AGBL1: variants seen among roughly 807,000 people sequenced by gnomAD.
AGBL1 encodes the protein AGBL carboxypeptidase 1.
Under a neutral mutation model 118.9 loss-of-function variants are expected in AGBL1, and 130 were observed. The observed-to-expected ratio is 1.09, with a 90% CI of 0.95 to 1.26. AGBL1 has a LOEUF of 1.26. Among genes scored for constraint, AGBL1 ranks in the 50% most tolerant of loss-of-function variants. The probability of loss-of-function intolerance (pLI) is 0.00; values close to 1 mark genes in which losing one functional copy is unlikely to be tolerated. For synonymous variants in AGBL1, 555 were observed against 478.9 expected (o/e 1.16, Z -2.08); for missense variants, 1,584 against 1,298.1 (o/e 1.22, Z -3.38).
chr15:86,257,650 A>G (rs1310076334), intron 8 of AGBL1, among the ~76,000 whole-genome samples: 2 of 152,228 alleles, frequency 1.3e-5, no homozygotes, highest in African/African-American at 4.8e-5. Flanking sequence ...CTTTGGCTAC[A>G]CTAGTTGCAT....
intron 17 of AGBL1, among the ~76,000 whole-genome samples, chr15:86,388,449 T>A (rs1033468283): frequency 2.0e-5 from 3 of 152,192 alleles, no homozygotes; most frequent in African/African-American, 7.2e-5. Flanking sequence ...CTACCCTGTT[T>A]CACATTGCCA....
At chr15:86,506,504 G>A (rs1032853314) in intron 18 of AGBL1, among the ~76,000 whole-genome samples, 3 of 152,040 alleles carry the variant, frequency 2.0e-5, no homozygotes, top group African/African-American at 7.2e-5. Context: ...AAGGACCAGT[G>A]CTGCTGATTC....
At chr15:86,439,064 C>T (rs2082031688) in intron 18 of AGBL1, among the ~76,000 whole-genome samples, 1 of 152,184 alleles carries the variant, frequency 6.6e-6, no homozygotes. Flanking sequence ...CAAACTCAAC[C>T]AGGTAGGGAA....
intron 23 of AGBL1, among the ~76,000 whole-genome samples, chr15:86,955,434 T>C (rs1319078607): frequency 5.9e-5 from 9 of 151,720 alleles, no homozygotes; most frequent in Non-Finnish European, 1.3e-4. Flanking sequence ...AGCCAAGAAT[T>C]CAACTCAAGA....
intron 22 of AGBL1, among the ~76,000 whole-genome samples, chr15:86,680,275 G>C (rs554315073): frequency 1.1e-3 from 171 of 151,984 alleles, no homozygotes; most frequent in Non-Finnish European, 2.0e-3. Flanking sequence ...TCTCAATGTT[G>C]ATTCATCTTA....
At chr15:86,344,872 G>A (rs1253667404) in intron 17 of AGBL1, among the ~76,000 whole-genome samples, 2 of 151,938 alleles carry the variant, frequency 1.3e-5, no homozygotes, top group Non-Finnish European at 2.9e-5. Flanking sequence ...AAACATGGAC[G>A]GGAACTTGAT....
chr15:86,186,107 T>C (rs2077628689), intron 5 of AGBL1, among the ~76,000 whole-genome samples: 2 of 152,210 alleles, frequency 1.3e-5, no homozygotes, highest in Admixed American at 6.5e-5. Context: ...GTGTATTTGC[T>C]GTCCCCCAAA....
At chr15:86,089,799 C>T (rs545777827) in intron 1 of AGBL1, among the ~76,000 whole-genome samples, 1 of 152,218 alleles carries the variant, frequency 6.6e-6, no homozygotes, top group East Asian at 1.9e-4. Context: ...ATGCAGATAC[C>T]CTTTACTTTT....
chr15:86,553,026 A>G (rs917975906), intron 20 of AGBL1, among the ~76,000 whole-genome samples: 2 of 152,154 alleles, frequency 1.3e-5, no homozygotes, highest in African/African-American at 4.8e-5. Context: ...GATTTGCTCA[A>G]TGTTCTAGAA....
chr15:86,740,924 T>G (rs1240589870), intron 22 of AGBL1, among the ~76,000 whole-genome samples: 1 of 152,118 alleles, frequency 6.6e-6, no homozygotes, highest in Non-Finnish European at 1.5e-5. Flanking sequence ...CCTCCATCCC[T>G]CAGAGGATAC....
At chr15:86,995,510 C>A (rs2081371902) in intron 24 of AGBL1, among the ~76,000 whole-genome samples, 1 of 152,144 alleles carries the variant, frequency 6.6e-6, no homozygotes, top group Non-Finnish European at 1.5e-5. Flanking sequence ...AGTGAAACTT[C>A]TGGGGCGAAA....
intron 22 of AGBL1, among the ~76,000 whole-genome samples, chr15:86,771,400 TG>T (rs1776637611): frequency 6.6e-6 from 1 of 151,970 alleles, no homozygotes; most frequent in Non-Finnish European, 1.5e-5. Context: ...AGGGATCAAA[TG>T]CTTGCTCTTT....
downstream of AGBL1, among the ~76,000 whole-genome samples, chr15:86,919,172 T>G (rs1300951682): frequency 1.3e-5 from 2 of 152,192 alleles, no homozygotes; most frequent in Non-Finnish European, 2.9e-5. Context: ...ACTGTTACTG[T>G]TCCTCAACTT....
intron 18 of AGBL1, among the ~76,000 whole-genome samples, chr15:86,520,001 C>A (rs535449827): frequency 6.6e-6 from 1 of 152,172 alleles, no homozygotes; most frequent in Non-Finnish European, 1.5e-5. Flanking sequence ...ACTGCCTCTA[C>A]CCTTAGGTGT....
intron 23 of AGBL1, among the ~76,000 whole-genome samples, chr15:86,925,170 A>AGGAGGAGGAGGAAGAGGAG (rs1463207680): frequency 4.7e-4 from 2 of 4,256 alleles, no homozygotes; most frequent in Admixed American, 1.5e-3. Context: ...AGGAGGAGGA[A>AGGAGGAGGAGGAAGAGGAG]GAGGAAGAGG....
At chr15:86,698,439 A>C (rs892966749) in intron 22 of AGBL1, among the ~76,000 whole-genome samples, 1 of 152,006 alleles carries the variant, frequency 6.6e-6, no homozygotes, top group African/African-American at 2.4e-5. Flanking sequence ...TCTGACTTCA[A>C]TTTCCACGTT....
intron 23 of AGBL1, among the ~76,000 whole-genome samples, chr15:86,960,701 G>C (rs1407863467): frequency 6.6e-6 from 1 of 151,772 alleles, no homozygotes; most frequent in Non-Finnish European, 1.5e-5. Context: ...ATTCAAAATA[G>C]CCAAGATATG....
intron 23 of AGBL1, among the ~76,000 whole-genome samples, chr15:86,974,463 A>G (rs988946828): frequency 1.5e-5 from 2 of 133,678 alleles, no homozygotes; most frequent in African/African-American, 5.8e-5. Flanking sequence ...ATTGAATATA[A>G]ACATATTTTA....
intron 1 of AGBL1, among the ~76,000 whole-genome samples, chr15:86,102,015 A>G (rs1228818771): frequency 6.8e-6 from 1 of 148,032 alleles, no homozygotes; most frequent in Non-Finnish European, 1.5e-5. Flanking sequence ...TCGCAGTAAC[A>G]TTTGAATCCT....
Sources: allele counts gnomAD v4.1 joint callset (sites outside exome capture counted in the v4.1 genomes callset), GRCh38; gene constraint gnomAD v4.1.1; transcripts MANE v1.5; gene names NCBI Gene and HGNC (gene_info 2026-07-23, HGNC 2026-07-21).